DNER: variants seen among roughly 807,000 people sequenced by gnomAD.
The protein encoded by DNER is delta and Notch-like epidermal growth factor-related receptor.
A neutral mutation model predicts 78.2 loss-of-function variants in DNER; 33 were observed. The ratio of observed to expected loss-of-function variants is 0.42; its 90% CI spans 0.32 to 0.56. The LOEUF is 0.56. DNER is among the 20% of genes least tolerant of loss of function. The probability of loss-of-function intolerance (pLI) is 0.11; values close to 1 mark genes in which losing one functional copy is unlikely to be tolerated. For missense variants in DNER, 918 were observed against 975.3 expected (o/e 0.94, Z 0.78); for synonymous variants, 417 against 384.8 (o/e 1.08, Z -0.98).
At chr2:229,624,699 A>G (rs950398403) in intron 1 of DNER, among the ~76,000 whole-genome samples, 2 of 152,222 alleles carry the variant, frequency 1.3e-5, no homozygotes, top group African/African-American at 4.8e-5. Flanking sequence ...GTTTTCACCA[A>G]TGCTAAAATA....
chr2:229,477,570 C>T (rs1386334462), intron 6 of DNER, among the ~76,000 whole-genome samples: 4 of 152,188 alleles, frequency 2.6e-5, no homozygotes, highest in Admixed American at 6.5e-5. Flanking sequence ...CTGAGGATCA[C>T]GTTGGTAGCT....
chr2:229,648,586 C>T (rs1698759860), intron 1 of DNER, among the ~76,000 whole-genome samples: 1 of 152,186 alleles, frequency 6.6e-6, no homozygotes, highest in African/African-American at 2.4e-5. Flanking sequence ...CTTTGTATTA[C>T]TTCACCCCAG....
intron 5 of DNER, among the ~76,000 whole-genome samples, chr2:229,534,796 G>C (rs1380213060): frequency 1.3e-5 from 2 of 152,012 alleles, no homozygotes; most frequent in African/African-American, 2.4e-5. Flanking sequence ...CAGGTGATGA[G>C]TTTATTGGGT....
chr2:229,542,641 A>T (rs968302328), intron 5 of DNER, among the ~76,000 whole-genome samples: 1 of 152,144 alleles, frequency 6.6e-6, no homozygotes, highest in African/African-American at 2.4e-5. Flanking sequence ...GTTGGACTAT[A>T]TAACTTCTAA....
chr2:229,697,500 A>G (rs537199718), intron 1 of DNER, among the ~76,000 whole-genome samples: 1 of 152,362 alleles, frequency 6.6e-6, no homozygotes, highest in East Asian at 1.9e-4. Context: ...ACTTCAATAA[A>G]ATGTTTTAAG....
intron 6 of DNER, among the ~76,000 whole-genome samples, chr2:229,505,714 C>G (rs1244346783): frequency 6.6e-6 from 1 of 152,162 alleles, no homozygotes; most frequent in Non-Finnish European, 1.5e-5. Context: ...AAAACTAACT[C>G]TAAGCAAATT....
At chr2:229,573,250 C>T (rs1227867748) in intron 4 of DNER, among the ~76,000 whole-genome samples, 2 of 152,184 alleles carry the variant, frequency 1.3e-5, no homozygotes, top group Non-Finnish European at 2.9e-5. Flanking sequence ...GTGAGGATTG[C>T]TTGTGAAGAA....
chr2:229,412,470 G>A (rs914574084), intron 9 of DNER, among the ~76,000 whole-genome samples: 10 of 152,212 alleles, frequency 6.6e-5, no homozygotes, highest in Non-Finnish European at 1.5e-5. Context: ...TGTCTTTCCA[G>A]AGCTTATGAT....
chr2:229,618,592 T>C (rs1439815682), intron 1 of DNER, among the ~76,000 whole-genome samples: 1 of 152,186 alleles, frequency 6.6e-6, no homozygotes, highest in Non-Finnish European at 1.5e-5. Flanking sequence ...CAGTGAATTC[T>C]GCCTTAACAA....
At chr2:229,616,362 AT>A (rs58644265) in intron 1 of DNER, among the ~76,000 whole-genome samples, 4 of 150,300 alleles carry the variant, frequency 2.7e-5, no homozygotes, top group Admixed American at 6.6e-5. Context: ...CTTATTACTG[AT>A]TTTTTTTTTC....
At chr2:229,495,895 C>T (rs957737579) in intron 6 of DNER, among the ~76,000 whole-genome samples, 2 of 152,206 alleles carry the variant, frequency 1.3e-5, no homozygotes, top group East Asian at 1.9e-4. Context: ...TTCAGCTCAT[C>T]ACTGCCAACC....
chr2:229,570,286 T>C (rs961924174), intron 4 of DNER, among the ~76,000 whole-genome samples: 3 of 152,228 alleles, frequency 2.0e-5, no homozygotes, highest in Admixed American at 6.5e-5. Context: ...CCTGCATTCA[T>C]TGTGCCTACA....
chr2:229,629,000 T>G (rs1442126478), intron 1 of DNER, among the ~76,000 whole-genome samples: 1 of 152,180 alleles, frequency 6.6e-6, no homozygotes. Flanking sequence ...TCTTCTTCTC[T>G]CCACTCACTG....
intron 5 of DNER, among the ~76,000 whole-genome samples, chr2:229,535,546 A>G (rs1306381641): frequency 6.6e-6 from 1 of 152,176 alleles, no homozygotes; most frequent in Non-Finnish European, 1.5e-5. Context: ...AAGTGCTACT[A>G]TACTATCCTC....
intron 5 of DNER, among the ~76,000 whole-genome samples, chr2:229,526,602 T>C (rs1369452861): frequency 6.6e-6 from 1 of 152,242 alleles, no homozygotes; most frequent in Non-Finnish European, 1.5e-5. Flanking sequence ...GTGCACAGTC[T>C]GGATTCTTCG....
rs994382228 is a variant in DNER, at chr2:229,512,830, G to A, written c.1100C>T (p.Ala367Val). The A allele has an allele frequency of 6.2e-7, 1 of 1,614,042 alleles. No individual in the cohort carries two copies. Among genetic ancestry groups the A allele is most frequent in the African/African-American group, 1.3e-5 (1 of 74,920 alleles). The change falls in exon 6 of 13, where the codon GCA becomes GTA. Residue 367 changes from alanine (A) to valine (V), a missense_variant. By Grantham distance (64) the Ala-to-Val change is moderately conservative (BLOSUM62 0). Transcript: ENST00000341772. ...PCQNNASCID[A>V]NEKQDGSNFT... ...ATTGCTCCCATCTTGCTTTTCATTT[G>A]CATCAATACAGCTCGCGTTGTTTTG...
intron 1 of DNER, among the ~76,000 whole-genome samples, chr2:229,628,429 T>C (rs923852802): frequency 1.3e-5 from 2 of 152,138 alleles, no homozygotes; most frequent in Non-Finnish European, 2.9e-5. Flanking sequence ...GGTAATTTGT[T>C]ACACAGAAAT....
rs7559081 is a variant in DNER, at chr2:229,531,461, A to G, written c.993+15486T>C. 5.0e-4 allele frequency among the ~76,000 whole-genome samples: 76 copies of G among 152,330 alleles called. 1 individual carries two copies. The East Asian group carries it at 0.014, about 28-fold the overall frequency. ...AGAAAAATGCAACCAAAAGCACAAG[A>G]TACCAATTCACACTCAGAGGGATGG... On this transcript the variant is annotated intron_variant, in intron 5 of 12. Transcript: ENST00000341772.
intron 5 of DNER, among the ~76,000 whole-genome samples, chr2:229,542,540 C>T (rs1696535896): frequency 6.6e-6 from 1 of 151,954 alleles, no homozygotes; most frequent in East Asian, 1.9e-4. Flanking sequence ...AATAAAAAGA[C>T]ATAAAAATGA....
Sources: gnomAD v4.1 joint callset for allele counts (sites outside exome capture counted in the v4.1 genomes callset) on GRCh38, gnomAD v4.1.1 for gene constraint, MANE v1.5 for transcripts, NCBI Gene and HGNC (gene_info 2026-07-23, HGNC 2026-07-21) for gene names.